Variants in MYH15 observed in about 807,000 individuals in gnomAD.
The protein encoded by MYH15 is myosin-15.
MYH15 carries 227 observed loss-of-function variants against 240.5 expected under a neutral mutation model. The ratio of observed to expected loss-of-function variants is 0.94; its 90% CI spans 0.85 to 1.05. The LOEUF is 1.05. MYH15 is among the 50% of genes least tolerant of loss of function. The pLI, the probability that MYH15 is intolerant of heterozygous loss-of-function variation, is 0.00. For missense variants in MYH15, 2,217 were observed against 2,247.5 expected (o/e 0.99, Z 0.27); for synonymous variants, 785 against 796.7 (o/e 0.99, Z 0.25).
At chr3:108,458,721 G>A (rs2083044502) in intron 18 of MYH15, among the ~76,000 whole-genome samples, 1 of 151,280 alleles carries the variant, frequency 6.6e-6, no homozygotes, top group African/African-American at 2.4e-5. Context: ...AGTTAATTTT[G>A]GTAAAACCCT....
At chr3:108,527,076 G>A (rs949983890) in intron 1 of MYH15, among the ~76,000 whole-genome samples, 2 of 152,164 alleles carry the variant, frequency 1.3e-5, no homozygotes, top group South Asian at 2.1e-4. Flanking sequence ...TTGTTAAAAC[G>A]CAGATTGCCA....
At chr3:108,397,412 T>C (rs2082470181) in intron 35 of MYH15, among the ~76,000 whole-genome samples, 1 of 152,232 alleles carries the variant, frequency 6.6e-6, no homozygotes, top group Non-Finnish European at 1.5e-5. Context: ...AGAAGCATAC[T>C]GTGCAGCTAC....
rs141539961 is a variant in MYH15 at position 108,468,372 on chromosome 3, T to C, written c.1554+1670A>G. On this transcript the variant is annotated intron_variant, in intron 14 of 40. Coordinates refer to ENST00000693548, the MANE Select transcript of MYH15 (RefSeq NM_014981.3). ...CATGTTATACAACATTTTATATATA[T>C]TGATGTGTTTTAGTACTTTCAAATT... Among the ~76,000 whole-genome samples the C allele has an allele frequency of 2.0e-5, 3 of 152,364 alleles. No individual in the cohort carries two copies. The East Asian group carries it at 5.8e-4, about 29-fold the overall frequency.
At chr3:108,413,519 A>G (rs1277792550) in intron 30 of MYH15, among the ~76,000 whole-genome samples, 2 of 152,204 alleles carry the variant, frequency 1.3e-5, no homozygotes, top group East Asian at 3.8e-4. Context: ...TTGAATGATT[A>G]TAAGCTGGGG....
intron 1 of MYH15, among the ~76,000 whole-genome samples, chr3:108,528,300 G>T (rs2083688976): frequency 6.6e-6 from 1 of 151,916 alleles, no homozygotes; most frequent in African/African-American, 2.4e-5. Context: ...TTATATTGGG[G>T]GCATATATAA....
At chr3:108,487,316 A>C (rs62268051) in intron 9 of MYH15, among the ~76,000 whole-genome samples, 31,647 of 152,200 alleles carry the variant, frequency 0.21, 4,284 homozygotes, top group Non-Finnish European at 0.3. Flanking sequence ...TCCAAATCTC[A>C]GAAACAAAGA....
At chr3:108,460,411 C>G in intron 16 of MYH15, 44 bp from the exon 17 acceptor site, 1 of 1,488,428 alleles carries the variant, frequency 6.7e-7, no homozygotes, top group Non-Finnish European at 9.1e-7. Flanking sequence ...ATGTAAAAAG[C>G]TCATTTTTAT....
intron 21 of MYH15, among the ~76,000 whole-genome samples, chr3:108,451,267 C>G (rs2082971446): frequency 6.6e-6 from 1 of 152,172 alleles, no homozygotes; most frequent in Non-Finnish European, 1.5e-5. Flanking sequence ...GTAATCCCAG[C>G]TGCTCAGGAG....
chr3:108,459,699 C>T (rs2083054724), intron 17 of MYH15, among the ~76,000 whole-genome samples: 1 of 152,030 alleles, frequency 6.6e-6, no homozygotes, highest in Admixed American at 6.6e-5. Flanking sequence ...AATTTGATAG[C>T]AATATCAAAG....
At chr3:108,479,190 C>G (rs2083245417) in intron 11 of MYH15, among the ~76,000 whole-genome samples, 1 of 152,192 alleles carries the variant, frequency 6.6e-6, no homozygotes, top group Non-Finnish European at 1.5e-5. Flanking sequence ...TATGTGTAAA[C>G]ATATTTTAAT....
At chr3:108,491,920 T>C (rs966118245) in intron 9 of MYH15, among the ~76,000 whole-genome samples, 3 of 152,032 alleles carry the variant, frequency 2.0e-5, no homozygotes, top group African/African-American at 7.2e-5. Context: ...CCATTCTTCA[T>C]ATCCCAACCT....
At chr3:108,406,829 C>T (rs1035145879) in intron 32 of MYH15, among the ~76,000 whole-genome samples, 10 of 152,138 alleles carry the variant, frequency 6.6e-5, no homozygotes, top group African/African-American at 1.9e-4. Context: ...CCTTGACCCA[C>T]GTGATGATCG....
In MYH15 at chr3:108,383,734, AAAAAT is replaced by A. The variant is rs762068316; in HGVS notation, c.5632-10_5632-6del. 38 of 1,465,846 alleles carry A rather than the reference AAAAAT, an allele frequency of 2.6e-5. 1 individual carries two copies. The highest frequency in any genetic ancestry group is 3.7e-4 in the Middle Eastern group (2 of 5,334). 90.8% of individuals were successfully genotyped at this position (1,465,846 alleles called of 1,614,324 possible). ...GTATTGATTGGCTTGTGTTTCCTAT[AAAAAT>A]AAAAAAAAAAAAAAAGAAATCTCCA... On this transcript the variant is annotated splice_region_variant and splice_polypyrimidine_tract_variant and intron_variant, in intron 39 of 40. Transcript: ENST00000693548.
intron 21 of MYH15, among the ~76,000 whole-genome samples, chr3:108,451,340 A>T (rs2082972097): frequency 6.6e-6 from 1 of 152,192 alleles, no homozygotes; most frequent in African/African-American, 2.4e-5. Context: ...ATATCATGCC[A>T]CTGCCCTCCA....
At chr3:108,528,757 G>A (rs917175960) in intron 1 of MYH15, among the ~76,000 whole-genome samples, 3 of 152,164 alleles carry the variant, frequency 2.0e-5, no homozygotes, top group African/African-American at 4.8e-5. Context: ...AGCAGAACCA[G>A]TACTCCAACT....
rs527775795 is a variant in MYH15 at position 108,471,602 on chromosome 3, G to A, written c.1234-755C>T. Among the ~76,000 whole-genome samples the A allele has an allele frequency of 1.2e-3, 182 of 152,170 alleles. 1 individual carries two copies. In the Middle Eastern group the frequency reaches 0.014, roughly 11 times the overall value. Reference sequence around the variant, plus strand: ...TGTATATGTTCTTGGCCTGCCTTTAGCAAGAATCCTGTTAGGTCAATTTAA... The same window carrying A: ...TGTATATGTTCTTGGCCTGCCTTTAACAAGAATCCTGTTAGGTCAATTTAA... On this transcript the variant is annotated intron_variant, in intron 12 of 40. Coordinates refer to ENST00000693548, the MANE Select transcript of MYH15 (RefSeq NM_014981.3).
intron 7 of MYH15, 31 bp from the exon 8 acceptor site, chr3:108,493,208 A>G: frequency 6.3e-7 from 1 of 1,595,964 alleles, no homozygotes; most frequent in Non-Finnish European, 8.6e-7. Context: ...AGTCAGACAC[A>G]AAACACAGTT....
chr3:108,495,183 T>C (rs927473787), intron 7 of MYH15, among the ~76,000 whole-genome samples: 40 of 152,344 alleles, frequency 2.6e-4, no homozygotes, highest in African/African-American at 8.7e-4. Flanking sequence ...AGTGGCTCCC[T>C]GCCACTGATT....
At chr3:108,526,171 C>T (rs1272285940) in intron 1 of MYH15, among the ~76,000 whole-genome samples, 1 of 152,082 alleles carries the variant, frequency 6.6e-6, no homozygotes, top group East Asian at 1.9e-4. Context: ...TACAGTGATG[C>T]TTCGATAAAC....
Sources: gnomAD v4.1 joint callset for allele counts (sites outside exome capture counted in the v4.1 genomes callset) on GRCh38, gnomAD v4.1.1 for gene constraint, MANE v1.5 for transcripts, NCBI Gene and HGNC (gene_info 2026-07-23, HGNC 2026-07-21) for gene names.